The following CAGE1 variants were observed in gnomAD, a reference collection of about 807,000 sequenced individuals.
The protein encoded by CAGE1 is cancer-associated gene 1 protein.
A neutral mutation model predicts 94.9 loss-of-function variants in CAGE1; 66 were observed. The observed-to-expected ratio is 0.70, with a 90% CI of 0.57 to 0.85. CAGE1 has a LOEUF of 0.85. CAGE1 is among the 40% of genes least tolerant of loss of function. CAGE1 has a pLI of 0.00. For synonymous variants in CAGE1, 319 were observed against 321.0 expected (o/e 0.99, Z 0.07); for missense variants, 865 against 950.4 (o/e 0.91, Z 1.18).
In CAGE1 at chr6:7,389,210, A is replaced by G; in HGVS notation, c.-32T>C. 1 of 451,454 alleles carries G rather than the reference A, an allele frequency of 2.2e-6. No homozygotes were observed. The allele number at this position is 451,454 out of a possible 1,614,324, so 28.0% of individuals were successfully genotyped here. A position where few individuals can be genotyped will look rare whatever the true frequency, so the allele number is the denominator to read the frequency against. The stretch of plus-strand genomic sequence containing the variant: ...TGTAAGACAAACTTTACCTTTTTAA[A>G]AAGCACTTATCTCATTCATTTTTCA... On this transcript the variant is annotated 5_prime_UTR_variant, in exon 1 of 14. Coordinates refer to ENST00000502583, the MANE Select transcript of CAGE1 (RefSeq NM_001170692.2).
chr6:7,334,722 T>C (rs1332218720), intron 11 of CAGE1, among the ~76,000 whole-genome samples: 3 of 44,346 alleles, frequency 6.8e-5, no homozygotes, highest in African/African-American at 9.6e-4. Context: ...CTAGACTCTC[T>C]CTCAAAAAAA....
intron 11 of CAGE1, among the ~76,000 whole-genome samples, chr6:7,343,570 T>C (rs1299387559): frequency 1.3e-5 from 2 of 152,152 alleles, no homozygotes; most frequent in Non-Finnish European, 2.9e-5. Flanking sequence ...GACAGGGCAG[T>C]GAGTTGTCAT....
chr6:7,333,669 T>C (rs1313401038), intron 12 of CAGE1, among the ~76,000 whole-genome samples: 17 of 84,448 alleles, frequency 2.0e-4, no homozygotes, highest in South Asian at 1.1e-3. Flanking sequence ...TATATATATA[T>C]ATATACATTT....
chr6:7,387,200 T>TAAAAA lies in CAGE1; in HGVS notation c.-23-9_-23-5dup. On this transcript the variant is annotated splice_polypyrimidine_tract_variant and splice_region_variant and intron_variant, in intron 1 of 13. Coordinates refer to ENST00000502583, the MANE Select transcript of CAGE1 (RefSeq NM_001170692.2). ...ACTGTTGAACAATAGAAGACTTCTT[T>TAAAAA]AAAAAAAAAATGTGTCTATTAGTAG... 1 of 1,365,178 alleles carries TAAAAA rather than the reference T, an allele frequency of 7.3e-7. No homozygotes were observed. Among genetic ancestry groups the TAAAAA allele is most frequent in the Admixed American group, 2.3e-5 (1 of 43,818 alleles). The allele number at this position is 1,365,178 out of a possible 1,614,324, so 84.6% of individuals were successfully genotyped here. A position where few individuals can be genotyped will look rare whatever the true frequency, so the allele number is the denominator to read the frequency against.
At chr6:7,328,930 A>ATTTTT (rs1189273237) in intron 13 of CAGE1, among the ~76,000 whole-genome samples, 7 of 85,608 alleles carry the variant, frequency 8.2e-5, no homozygotes, top group Admixed American at 4.4e-4. Context: ...ATATATATAT[A>ATTTTT]TATATTTTTT....
At chr6:7,344,795 G>C (rs1375851150) in intron 11 of CAGE1, among the ~76,000 whole-genome samples, 8 of 152,234 alleles carry the variant, frequency 5.3e-5, no homozygotes, top group African/African-American at 1.4e-4. Context: ...CACCCTGTGT[G>C]TAGCTCAGGG....
chr6:7,351,205 T>C (rs1349919562), intron 11 of CAGE1, among the ~76,000 whole-genome samples: 1 of 152,064 alleles, frequency 6.6e-6, no homozygotes, highest in Admixed American at 6.6e-5. Flanking sequence ...CTACAAGAGA[T>C]GGATAAATTC....
chr6:7,383,373 A>G, intron 3 of CAGE1, among the ~76,000 whole-genome samples: 1 of 152,134 alleles, frequency 6.6e-6, no homozygotes, highest in East Asian at 1.9e-4. Context: ...ACCCATGTGG[A>G]CTTTATTTTG....
rs1047765887 is a variant in CAGE1 at position 7,370,050 on chromosome 6, G to A, written c.1762C>T (p.His588Tyr). Reference sequence around the variant, plus strand: ...GAGCAATCCGGGAGCAGATTAGAATGTGTCGTTTTTGTATCCTACATGCAC... The same window carrying A: ...GAGCAATCCGGGAGCAGATTAGAATATGTCGTTTTTGTATCCTACATGCAC... ...SDITKDTKTT[H>Y]SNLLPDCSPC... Residue 588 changes from histidine to tyrosine, a missense_variant, in exon 6 of 14, where the codon CAT becomes TAT. Transcript: ENST00000502583. 4 of 1,604,968 alleles carry A rather than the reference G, an allele frequency of 2.5e-6. No individual in the cohort carries two copies. In the African/African-American group the frequency reaches 4.0e-5, roughly 16 times the overall value.
intron 11 of CAGE1, chr6:7,341,761 G>T: frequency 1.5e-6 from 1 of 687,910 alleles, no homozygotes; most frequent in South Asian, 1.4e-5. Flanking sequence ...CAGAACCATG[G>T]CCAGTGCAGA....
intron 3 of CAGE1, among the ~76,000 whole-genome samples, chr6:7,383,953 TG>T (rs1489338825): frequency 6.6e-6 from 1 of 152,228 alleles, no homozygotes. Flanking sequence ...TGAATGCTAT[TG>T]GTTTTTTAAT....
intron 11 of CAGE1, chr6:7,341,565 A>G: frequency 8.6e-7 from 1 of 1,167,328 alleles, no homozygotes; most frequent in South Asian, 1.2e-5. Flanking sequence ...TTTTCCTCTC[A>G]GGCCTAGCTT....
intron 12 of CAGE1, among the ~76,000 whole-genome samples, 177 bp from the exon 13 acceptor site, chr6:7,330,065 A>G (rs1402383865): frequency 6.6e-6 from 1 of 152,154 alleles, no homozygotes; most frequent in Admixed American, 6.6e-5. Context: ...TTGGTATATA[A>G]CATGTGAATC....
intron 11 of CAGE1, chr6:7,342,145 T>A (rs980605000): frequency 9.9e-7 from 1 of 1,008,836 alleles, no homozygotes; most frequent in Non-Finnish European, 1.6e-6. Flanking sequence ...ATCACTCAGT[T>A]GGGGAACTGG....
Position 7,377,559 on chromosome 6 carries a change from C to T in CAGE1, c.687+1058G>A, listed in dbSNP as rs566837795. Among the ~76,000 whole-genome samples the T allele has an allele frequency of 6.8e-4, 103 of 152,128 alleles. 1 individual carries two copies. Among genetic ancestry groups the T allele is most frequent in the African/African-American group, 2.3e-3 (96 of 41,512 alleles). On this transcript the variant is annotated intron_variant, in intron 4 of 13. Coordinates refer to ENST00000502583, the MANE Select transcript of CAGE1 (RefSeq NM_001170692.2). ...ACCAGCCTGGCCAACATGGTGAAAA[C>T]CCGTCTCTACTAAAAATACAAAAAA...
chr6:7,357,734 T>C (rs1401411471), intron 9 of CAGE1, among the ~76,000 whole-genome samples: 9 of 152,090 alleles, frequency 5.9e-5, no homozygotes, highest in African/African-American at 2.2e-4. Context: ...TGACACACGA[T>C]TAATAACACA....
intron 9 of CAGE1, among the ~76,000 whole-genome samples, chr6:7,360,135 C>T (rs1196476557): frequency 6.6e-6 from 1 of 152,148 alleles, no homozygotes; most frequent in Non-Finnish European, 1.5e-5. Context: ...TGGGAAAGGT[C>T]CTCTACTTTT....
intron 4 of CAGE1, among the ~76,000 whole-genome samples, chr6:7,375,864 T>C (rs1760723553): frequency 6.6e-6 from 1 of 152,188 alleles, no homozygotes. Context: ...GGTTTTTCAT[T>C]GTTCTGGGAT....
At chr6:7,328,347 C>T (rs9406022) in intron 13 of CAGE1, among the ~76,000 whole-genome samples, 47,222 of 151,994 alleles carry the variant, frequency 0.31, 7,761 homozygotes, top group East Asian at 0.53. Flanking sequence ...GGTGCTATTA[C>T]GTCAAAGGGT....
Sources: gnomAD v4.1 joint callset for allele counts (sites outside exome capture counted in the v4.1 genomes callset) on GRCh38, gnomAD v4.1.1 for gene constraint, MANE v1.5 for transcripts, NCBI Gene and HGNC (gene_info 2026-07-23, HGNC 2026-07-21) for gene names.